Variants in CTDSPL2 observed in about 807,000 individuals in gnomAD.
CTDSPL2 encodes the protein CTD small phosphatase-like protein 2.
Under a neutral mutation model 60.0 loss-of-function variants are expected in CTDSPL2, and 5 were observed. The ratio of observed to expected loss-of-function variants is 0.08; its 90% CI spans 0.04 to 0.18. The LOEUF is 0.18. CTDSPL2 is among the 10% of genes least tolerant of loss of function. The pLI is 1.00. For synonymous variants in CTDSPL2, 186 were observed against 189.3 expected, an observed-to-expected ratio of 0.98 and a Z score of 0.14; for missense variants, 370 against 548.8, an observed-to-expected ratio of 0.67 and a Z score of 3.26.
intron 1 of CTDSPL2, among the ~76,000 whole-genome samples, chr15:44,430,960 T>C (rs1307388800): frequency 6.6e-6 from 1 of 152,012 alleles, no homozygotes; most frequent in Non-Finnish European, 1.5e-5. Flanking sequence ...TAGCTGGGAC[T>C]ACAGGCACGC....
At chr15:44,511,867 CAAAAAAAAAAAAA>C (rs68063380) in intron 8 of CTDSPL2, among the ~76,000 whole-genome samples, 1 of 30,624 alleles carries the variant, frequency 3.3e-5, no homozygotes, top group South Asian at 1.5e-3. Flanking sequence ...GACGGTCTCG[CAAAAAAAAAAAAA>C]AAAAAAAAAA....
At position 44,479,861 on chromosome 15, in the gene CTDSPL2, C is replaced by T. The variant is rs759302131; in HGVS notation, c.187-4363C>T. Reference sequence around the variant, plus strand: ...TTTTGTGTGGGATTTGATATCTATACTTTCTTGCTCATTTTTATGTGAAAT... The same window carrying T: ...TTTTGTGTGGGATTTGATATCTATATTTTCTTGCTCATTTTTATGTGAAAT... On this transcript the variant is annotated intron_variant, in intron 2 of 12. Transcript: ENST00000260327. 3.9e-5 allele frequency among the ~76,000 whole-genome samples: 6 copies of T among 152,066 alleles called. No individual in the cohort carries two copies. In the South Asian group the frequency reaches 1.0e-3, roughly 26 times the overall value.
intron 1 of CTDSPL2, among the ~76,000 whole-genome samples, chr15:44,450,859 A>C (rs965019680): frequency 1.3e-5 from 2 of 152,086 alleles, no homozygotes; most frequent in Non-Finnish European, 2.9e-5. Flanking sequence ...TGGCCTCCCA[A>C]AGTGCTGGGA....
At chr15:44,516,797 T>G (rs992330828) in intron 10 of CTDSPL2, 5 of 152,224 alleles carry the variant, frequency 3.3e-5, no homozygotes, top group African/African-American at 9.6e-5. Flanking sequence ...ATTTGTTCTA[T>G]CTAGATGTAT....
intron 8 of CTDSPL2, among the ~76,000 whole-genome samples, chr15:44,510,779 T>C (rs1302912683): frequency 1.3e-5 from 2 of 152,196 alleles, no homozygotes; most frequent in Non-Finnish European, 2.9e-5. Flanking sequence ...GGCATGTCTA[T>C]GTGTGCATCT....
intron 1 of CTDSPL2, among the ~76,000 whole-genome samples, chr15:44,441,686 G>A (rs57369039): frequency 1.3e-5 from 2 of 152,074 alleles, no homozygotes; most frequent in African/African-American, 4.8e-5. Context: ...GAGGTTTCCT[G>A]GTTGCCTGAG....
intron 1 of CTDSPL2, among the ~76,000 whole-genome samples, chr15:44,446,057 C>T (rs2080207454): frequency 6.6e-6 from 1 of 151,408 alleles, no homozygotes; most frequent in African/African-American, 2.4e-5. Context: ...TCCCAAGTAG[C>T]TGGGACTACA....
intron 1 of CTDSPL2, among the ~76,000 whole-genome samples, chr15:44,433,067 G>A (rs970612390): frequency 6.6e-6 from 1 of 151,930 alleles, no homozygotes; most frequent in East Asian, 1.9e-4. Flanking sequence ...TGTAATCCCA[G>A]CACTTGGGAG....
At chr15:44,475,561 C>T (rs561168463) in intron 2 of CTDSPL2, among the ~76,000 whole-genome samples, 19 of 150,838 alleles carry the variant, frequency 1.3e-4, no homozygotes, top group Admixed American at 8.6e-4. Context: ...ATCGCTTGAA[C>T]GTGGGAGGTG....
chr15:44,517,985 C>G (rs1322877735), intron 10 of CTDSPL2, among the ~76,000 whole-genome samples: 1 of 152,180 alleles, frequency 6.6e-6, no homozygotes, highest in Admixed American at 6.6e-5. Context: ...GGGGAAAGAA[C>G]TGCTTATACA....
At chr15:44,435,953 A>G (rs1003788015) in intron 1 of CTDSPL2, among the ~76,000 whole-genome samples, 3 of 151,844 alleles carry the variant, frequency 2.0e-5, no homozygotes, top group East Asian at 3.9e-4. Context: ...CTTCTTCCCT[A>G]GTTGTCTTGA....
chr15:44,472,350 G>T (rs77683402), intron 2 of CTDSPL2, among the ~76,000 whole-genome samples: 1,754 of 152,240 alleles, frequency 0.012, 40 homozygotes, highest in East Asian at 0.087. Context: ...ATCAACACTT[G>T]TAATTGTCTG....
chr15:44,428,694 T>A (rs1176399540), intron 1 of CTDSPL2, among the ~76,000 whole-genome samples: 1 of 152,240 alleles, frequency 6.6e-6, no homozygotes, highest in Non-Finnish European at 1.5e-5. Flanking sequence ...ATGAATTTCT[T>A]CAGTGGGTAT....
chr15:44,484,798 A>G (rs1464290822), intron 3 of CTDSPL2, among the ~76,000 whole-genome samples: 1 of 152,202 alleles, frequency 6.6e-6, no homozygotes, highest in Non-Finnish European at 1.5e-5. Context: ...TCTTTGTATT[A>G]TTAGTAACAT....
At chr15:44,485,135 G>C (rs1005960651) in intron 3 of CTDSPL2, among the ~76,000 whole-genome samples, 1 of 152,100 alleles carries the variant, frequency 6.6e-6, no homozygotes, top group Non-Finnish European at 1.5e-5. Flanking sequence ...CTTGTGGAGG[G>C]GTGGCTACTA....
chr15:44,434,000 T>A (rs906226667), intron 1 of CTDSPL2, among the ~76,000 whole-genome samples: 3 of 151,744 alleles, frequency 2.0e-5, no homozygotes, highest in African/African-American at 7.2e-5. Context: ...GTTTTAGTCA[T>A]CAGTAATCTA....
At chr15:44,484,407 A>G in intron 3 of CTDSPL2, 45 bp downstream of exon 3, 3 of 1,535,674 alleles carry the variant, frequency 2.0e-6, no homozygotes, top group Non-Finnish European at 2.7e-6. Flanking sequence ...GTAAGCAGAG[A>G]TCTCACCTGA....
chr15:44,456,852 T>A (rs1298455204), intron 1 of CTDSPL2, among the ~76,000 whole-genome samples: 4 of 148,362 alleles, frequency 2.7e-5, no homozygotes, highest in Non-Finnish European at 5.9e-5. Flanking sequence ...CAGTTTTAGA[T>A]CTTTTTTTTT....
Position 44,525,697 on chromosome 15 carries a change from G to A in CTDSPL2, c.*1523G>A. 1 of 387,282 alleles carries A rather than the reference G, an allele frequency of 2.6e-6. No individual in the cohort carries two copies. The highest frequency in any genetic ancestry group is 4.6e-6 in the Non-Finnish European group (1 of 219,032). The allele number at this position is 387,282 out of a possible 1,614,324, so 24.0% of individuals were successfully genotyped here. ...CAACTTACTGTACAAATTACATGCA[G>A]CTTCATTTTCAAATGAATCCTTAAA... On this transcript the variant is annotated 3_prime_UTR_variant, in exon 13 of 13. Transcript: ENST00000260327.
Sources: allele counts gnomAD v4.1 joint callset (sites outside exome capture counted in the v4.1 genomes callset), GRCh38; gene constraint gnomAD v4.1.1; transcripts MANE v1.5; gene names NCBI Gene and HGNC (gene_info 2026-07-23, HGNC 2026-07-21).